CSMD1: variants seen among roughly 807,000 people sequenced by gnomAD.
CSMD1 encodes CUB and sushi domain-containing protein 1.
A neutral mutation model predicts 417.5 loss-of-function variants in CSMD1; 213 were observed. The observed-to-expected ratio is 0.51, with a 90% CI of 0.46 to 0.57. The LOEUF (loss-of-function observed/expected upper bound fraction) is 0.57, where lower values mean the gene tolerates loss of function less well. Among genes scored for constraint, CSMD1 ranks in the 20% least tolerant of loss-of-function variants. CSMD1 has a pLI of 0.00. For missense variants in CSMD1, 6,923 were observed against 4,529.7 expected (o/e 1.53, Z -15.17); for synonymous variants, 2,862 against 1,736.8 (o/e 1.65, Z -16.11).
At chr8:3,644,195 G>C (rs1797458604) in intron 7 of CSMD1, among the ~76,000 whole-genome samples, 1 of 152,206 alleles carries the variant, frequency 6.6e-6, no homozygotes, top group Non-Finnish European at 1.5e-5. Flanking sequence ...AACTCTAGGG[G>C]CGGGGCTCAG....
At chr8:4,549,603 G>C (rs990051415) in intron 2 of CSMD1, among the ~76,000 whole-genome samples, 4 of 152,004 alleles carry the variant, frequency 2.6e-5, no homozygotes, top group African/African-American at 9.7e-5. Context: ...ACAAAGACAT[G>C]AATGGCCGGG....
chr8:3,652,226 C>T (rs556907996), intron 7 of CSMD1, among the ~76,000 whole-genome samples: 2 of 151,262 alleles, frequency 1.3e-5, no homozygotes, highest in Middle Eastern at 3.4e-3. Context: ...AGCGCCATCA[C>T]CACCAGAGCG....
rs546483626 is a variant in CSMD1 at position 4,623,424 on chromosome 8, C to T, written c.302+13918G>A. Among the ~76,000 whole-genome samples, 299 of 152,214 alleles carry T rather than the reference C, an allele frequency of 2.0e-3. 4 individuals carry two copies. The highest frequency in any genetic ancestry group is 6.9e-3 in the African/African-American group (285 of 41,530). On this transcript the variant is annotated intron_variant, in intron 2 of 69. Coordinates refer to ENST00000635120, the MANE Select transcript of CSMD1 (RefSeq NM_033225.6). Reference sequence around the variant, plus strand: ...ACTACCAGATTAGAAAACATTTTAGCCACTTCTTCAAAAGTTTAACATAAA... The same window carrying T: ...ACTACCAGATTAGAAAACATTTTAGTCACTTCTTCAAAAGTTTAACATAAA...
At chr8:3,530,782 G>C (rs775265624) in intron 10 of CSMD1, among the ~76,000 whole-genome samples, 1 of 151,810 alleles carries the variant, frequency 6.6e-6, no homozygotes, top group African/African-American at 2.4e-5. Flanking sequence ...TCCTGCCTTG[G>C]CCTCCCAAAG....
intron 63 of CSMD1, among the ~76,000 whole-genome samples, chr8:2,956,061 T>A (rs941242104): frequency 8.5e-5 from 13 of 152,118 alleles, no homozygotes; most frequent in Non-Finnish European, 1.8e-4. Context: ...TATACATAGG[T>A]AATTATGTGC....
At chr8:3,640,923 T>A (rs1307416908) in intron 7 of CSMD1, among the ~76,000 whole-genome samples, 1 of 152,078 alleles carries the variant, frequency 6.6e-6, no homozygotes, top group African/African-American at 2.4e-5. Context: ...CAGCTTTGTC[T>A]TTATTTGTGA....
At chr8:4,950,197 G>A (rs1049014519) in intron 1 of CSMD1, among the ~76,000 whole-genome samples, 9 of 152,050 alleles carry the variant, frequency 5.9e-5, no homozygotes, top group Non-Finnish European at 1.2e-4. Context: ...TTGTACCAAT[G>A]TCTTCTGAAA....
Position 3,387,641 on chromosome 8 carries a change from G to C in CSMD1, c.2635C>G (p.Pro879Ala). The C allele has an allele frequency of 6.2e-7, 1 of 1,600,758 alleles. No individual in the cohort carries two copies. The highest frequency in any genetic ancestry group is 1.1e-5 in the South Asian group (1 of 88,452). ...ESDSCLDPGI[P>A]VNGHRHGGDF... ...CCACCGTGGCGATGGCCGTTCACAG[G>C]GATGCCCGGGTCCAGGCAGGAATCC... Residue 879 changes from proline (P) to alanine (A), a missense_variant, in exon 18 of 70, where the codon CCT becomes GCT. By Grantham distance (27) the Pro-to-Ala change is conservative. Coordinates refer to ENST00000635120, the MANE Select transcript of CSMD1 (RefSeq NM_033225.6).
At chr8:4,944,388 C>T (rs1343001137) in intron 1 of CSMD1, among the ~76,000 whole-genome samples, 1 of 152,186 alleles carries the variant, frequency 6.6e-6, no homozygotes, top group Non-Finnish European at 1.5e-5. Context: ...GCTCAACACA[C>T]TATTCAGATG....
intron 49 of CSMD1, among the ~76,000 whole-genome samples, chr8:3,074,518 C>G (rs1813511470): frequency 6.6e-6 from 1 of 152,202 alleles, no homozygotes; most frequent in Non-Finnish European, 1.5e-5. Context: ...TGTAGTGGAG[C>G]AGCCTATTTG....
Position 4,758,068 on chromosome 8 carries a change from G to C in CSMD1, c.86-120510C>G, listed in dbSNP as rs190062227. Reference sequence around the variant, plus strand: ...GGATATCTTCTTTCCTTCTCTCTGCGTTACTTTTCTCAGGTGAGAAATTTC... The same window carrying C: ...GGATATCTTCTTTCCTTCTCTCTGCCTTACTTTTCTCAGGTGAGAAATTTC... On this transcript the variant is annotated intron_variant, in intron 1 of 69. Coordinates refer to ENST00000635120, the MANE Select transcript of CSMD1 (RefSeq NM_033225.6). Among the ~76,000 whole-genome samples the C allele has an allele frequency of 3.0e-3, 452 of 151,804 alleles. 4 individuals carry two copies. The highest frequency in any genetic ancestry group is 0.01 in the African/African-American group (417 of 41,396).
intron 31 of CSMD1, 83 bp downstream of exon 31, chr8:3,205,421 A>G: frequency 1.4e-6 from 1 of 719,316 alleles, no homozygotes; most frequent in Non-Finnish European, 2.3e-6. Flanking sequence ...ACTAAGCTCT[A>G]GCATACTTGT....
At position 4,475,895 on chromosome 8, in the gene CSMD1, G is replaced by C. The variant is rs907071099; in HGVS notation, c.303-55830C>G. 1.6e-4 allele frequency among the ~76,000 whole-genome samples: 24 copies of C among 152,254 alleles called. No homozygotes were observed. The East Asian group carries it at 2.1e-3, about 13-fold the overall frequency. On this transcript the variant is annotated intron_variant, in intron 2 of 69. Transcript: ENST00000635120. Reference sequence around the variant, plus strand: ...CCGAAAGTGCTGGAATTACAGGCTTGAGCCACCTCACCTGGCTCTTTTATT... The same window carrying C: ...CCGAAAGTGCTGGAATTACAGGCTTCAGCCACCTCACCTGGCTCTTTTATT...
chr8:4,982,493 A>C (rs749782776), intron 1 of CSMD1, among the ~76,000 whole-genome samples: 3 of 152,200 alleles, frequency 2.0e-5, no homozygotes, highest in Non-Finnish European at 4.4e-5. Context: ...TTGTCATTAA[A>C]GGCATTAAAA....
chr8:3,413,125 C>A (rs1421380401), intron 12 of CSMD1, among the ~76,000 whole-genome samples: 1 of 152,198 alleles, frequency 6.6e-6, no homozygotes, highest in Non-Finnish European at 1.5e-5. Flanking sequence ...GAATAAGATT[C>A]ATGGAAATTA....
rs573282475 is a variant in CSMD1 at position 4,139,566 on chromosome 8, C to T, written c.416-107467G>A. ...CTGCACGACGATCTGCATATAGCTCCCTGAGCTGCCTATGGAACTGAGTGG... is the reference window on the plus strand; with the variant it reads ...CTGCACGACGATCTGCATATAGCTCTCTGAGCTGCCTATGGAACTGAGTGG... On this transcript the variant is annotated intron_variant, in intron 3 of 69. Transcript: ENST00000635120. Among the ~76,000 whole-genome samples, 82 of 151,210 alleles carry T rather than the reference C, an allele frequency of 5.4e-4. 6 individuals carry two copies. Among genetic ancestry groups the T allele is most frequent in the African/African-American group, 1.9e-3 (79 of 40,526 alleles).
chr8:4,308,126 T>C (rs911444164), intron 3 of CSMD1, among the ~76,000 whole-genome samples: 2 of 152,212 alleles, frequency 1.3e-5, no homozygotes, highest in Non-Finnish European at 1.5e-5. Context: ...AGCAGGAAGA[T>C]GTGTTTTACT....
chr8:3,722,963 G>C (rs1052271602), intron 6 of CSMD1, among the ~76,000 whole-genome samples: 1 of 152,180 alleles, frequency 6.6e-6, no homozygotes, highest in African/African-American at 2.4e-5. Context: ...CAACTTAAGA[G>C]CTTAAAGCAG....
intron 12 of CSMD1, among the ~76,000 whole-genome samples, chr8:3,421,677 G>T (rs1408605767): frequency 2.6e-5 from 4 of 151,952 alleles, no homozygotes; most frequent in African/African-American, 9.7e-5. Context: ...TTGCTCTGTT[G>T]CCCAGACTGC....
Sources: allele counts gnomAD v4.1 joint callset (sites outside exome capture counted in the v4.1 genomes callset), GRCh38; gene constraint gnomAD v4.1.1; transcripts MANE v1.5; gene names NCBI Gene and HGNC (gene_info 2026-07-23, HGNC 2026-07-21).